The following ARHGAP15 variants were observed in gnomAD, a reference collection of about 807,000 sequenced individuals.
ARHGAP15 encodes the protein rho GTPase-activating protein 15.
In ARHGAP15, 51 loss-of-function variants were observed where a neutral mutation model predicts 63.7. That is an observed-to-expected ratio of 0.80 (90% CI 0.64 to 1.01). The LOEUF is 1.01. Ranked by LOEUF, ARHGAP15 falls within the 50% of genes least tolerant of loss-of-function variation. ARHGAP15 has a pLI of 0.00. For missense variants in ARHGAP15, 560 were observed against 564.6 expected (o/e 0.99, Z 0.08); for synonymous variants, 191 against 193.8 (o/e 0.99, Z 0.12).
chr2:143,384,080 C>G (rs1687168815), intron 6 of ARHGAP15, among the ~76,000 whole-genome samples: 1 of 152,122 alleles, frequency 6.6e-6, no homozygotes, highest in Non-Finnish European at 1.5e-5. Flanking sequence ...GATGACTATT[C>G]CTCTACTTGG....
chr2:143,381,444 G>C (rs1028996558), intron 6 of ARHGAP15, among the ~76,000 whole-genome samples: 2 of 141,926 alleles, frequency 1.4e-5, no homozygotes, highest in Admixed American at 7.0e-5. Context: ...AAAGGTACTT[G>C]TGTGGCAAAA....
chr2:143,489,623 A>AT (rs898371080), intron 9 of ARHGAP15, among the ~76,000 whole-genome samples: 15 of 152,052 alleles, frequency 9.9e-5, no homozygotes, highest in South Asian at 2.1e-4. Flanking sequence ...ACTTTAATCC[A>AT]TTTTTTTCTT....
At chr2:143,439,316 G>T (rs959572234) in intron 8 of ARHGAP15, among the ~76,000 whole-genome samples, 8 of 149,404 alleles carry the variant, frequency 5.4e-5, no homozygotes, top group African/African-American at 2.0e-4. Context: ...CCAGCTACTC[G>T]GGAGGCTGAG....
rs533697934 is a variant in ARHGAP15 at position 143,345,563 on chromosome 2, A to AT, written c.475-90029dup. Reference sequence around the variant, plus strand: ...GATAAATTACAGGGAATCTGTCTGTATTTTTTTTTAACGCTTTTGGCACTA... The same window carrying AT: ...GATAAATTACAGGGAATCTGTCTGTATTTTTTTTTTAACGCTTTTGGCACTA... On this transcript the variant is annotated intron_variant, in intron 6 of 13. Transcript: ENST00000295095. 6.5e-4 allele frequency among the ~76,000 whole-genome samples: 99 copies of AT among 151,424 alleles called. No homozygotes were observed. The Middle Eastern group carries it at 0.01, about 16-fold the overall frequency.
intron 2 of ARHGAP15, among the ~76,000 whole-genome samples, chr2:143,157,386 A>G (rs1470330489): frequency 1.3e-5 from 2 of 151,854 alleles, no homozygotes; most frequent in African/African-American, 4.8e-5. Flanking sequence ...GCAGGATTTT[A>G]TCATGCAGTT....
chr2:143,545,264 G>T (rs961696408), intron 10 of ARHGAP15, among the ~76,000 whole-genome samples: 6 of 152,270 alleles, frequency 3.9e-5, no homozygotes, highest in Non-Finnish European at 8.8e-5. Context: ...AAGCCAAAGG[G>T]TCTGAATTGG....
At chr2:143,522,025 T>G (rs1311483937) in intron 10 of ARHGAP15, 1 of 152,162 alleles carries the variant, frequency 6.6e-6, no homozygotes, top group Admixed American at 6.6e-5. Flanking sequence ...TCCAAGGAAA[T>G]TCTACCCAGT....
intron 2 of ARHGAP15, among the ~76,000 whole-genome samples, chr2:143,199,219 A>G (rs1303444476): frequency 6.6e-6 from 1 of 152,142 alleles, no homozygotes; most frequent in East Asian, 1.9e-4. Flanking sequence ...TTCTGCCCTC[A>G]GTTTCCTCAT....
chr2:143,424,200 C>A (rs1689049721), intron 6 of ARHGAP15, among the ~76,000 whole-genome samples: 1 of 152,062 alleles, frequency 6.6e-6, no homozygotes, highest in Admixed American at 6.6e-5. Context: ...GAGAATCAGA[C>A]TTACAAAGAT....
At chr2:143,181,731 G>T (rs1367628764) in intron 2 of ARHGAP15, among the ~76,000 whole-genome samples, 2 of 152,186 alleles carry the variant, frequency 1.3e-5, no homozygotes, top group Admixed American at 1.3e-4. Flanking sequence ...TGGCTGCTTT[G>T]ATCTTCTATC....
At chr2:143,550,122 T>G (rs1267647365) in intron 10 of ARHGAP15, among the ~76,000 whole-genome samples, 3 of 152,240 alleles carry the variant, frequency 2.0e-5, no homozygotes. Context: ...AGTGACATTT[T>G]ACTGCTATAA....
chr2:143,235,752 G>A (rs1693618318), intron 5 of ARHGAP15, among the ~76,000 whole-genome samples: 1 of 152,172 alleles, frequency 6.6e-6, no homozygotes, highest in Non-Finnish European at 1.5e-5. Flanking sequence ...ACTAGTGTTT[G>A]TTTCATCTGG....
intron 5 of ARHGAP15, among the ~76,000 whole-genome samples, chr2:143,247,124 G>T (rs757166058): frequency 9.2e-5 from 14 of 152,186 alleles, no homozygotes; most frequent in Non-Finnish European, 2.1e-4. Flanking sequence ...TTCGTTCCTT[G>T]TCCGTGAGGA....
At chr2:143,576,820 C>T (rs1035110881) in intron 11 of ARHGAP15, among the ~76,000 whole-genome samples, 9 of 152,090 alleles carry the variant, frequency 5.9e-5, no homozygotes, top group African/African-American at 1.9e-4. Flanking sequence ...TATGACTAAA[C>T]TATTTTGGTT....
At chr2:143,195,329 A>G (rs1436622964) in intron 2 of ARHGAP15, among the ~76,000 whole-genome samples, 1 of 152,166 alleles carries the variant, frequency 6.6e-6, no homozygotes, top group East Asian at 1.9e-4. Flanking sequence ...ATCATACACT[A>G]ATAAGGAACA....
chr2:143,655,153 T>TG (rs1442809593), intron 12 of ARHGAP15, among the ~76,000 whole-genome samples: 1 of 152,168 alleles, frequency 6.6e-6, no homozygotes, highest in Non-Finnish European at 1.5e-5. Flanking sequence ...CATAAGTTAT[T>TG]GGGGTACAGG....
chr2:143,242,230 A>T (rs551922225), intron 5 of ARHGAP15, among the ~76,000 whole-genome samples: 11 of 152,298 alleles, frequency 7.2e-5, no homozygotes, highest in African/African-American at 2.6e-4. Flanking sequence ...CTAGGGGGAA[A>T]GTCTGGTATT....
intron 11 of ARHGAP15, among the ~76,000 whole-genome samples, chr2:143,615,180 A>G (rs538420970): frequency 5.9e-5 from 9 of 152,304 alleles, no homozygotes; most frequent in African/African-American, 2.2e-4. Flanking sequence ...ATTACTAGAA[A>G]TCATCTCTTC....
chr2:143,508,501 G>A (rs370905703), intron 9 of ARHGAP15, among the ~76,000 whole-genome samples: 4 of 152,288 alleles, frequency 2.6e-5, no homozygotes, highest in African/African-American at 9.6e-5. Context: ...CATCCCCAGT[G>A]GGCATTGAAA....
Sources: gnomAD v4.1 joint callset for allele counts (sites outside exome capture counted in the v4.1 genomes callset) on GRCh38, gnomAD v4.1.1 for gene constraint, MANE v1.5 for transcripts, NCBI Gene and HGNC (gene_info 2026-07-23, HGNC 2026-07-21) for gene names.